Variants in DAB2IP observed in about 807,000 individuals in gnomAD.
DAB2IP encodes disabled homolog 2-interacting protein.
In DAB2IP, 28 loss-of-function variants were observed where a neutral mutation model predicts 107.2. The observed-to-expected ratio is 0.26, with a 90% CI of 0.19 to 0.36. DAB2IP has a LOEUF of 0.36. DAB2IP is among the 10% of genes least tolerant of loss of function. The pLI, the probability that DAB2IP is intolerant of heterozygous loss-of-function variation, is 1.00. For synonymous variants in DAB2IP, 755 were observed against 706.4 expected (o/e 1.07, Z -1.09); for missense variants, 1,400 against 1,644.7 (o/e 0.85, Z 2.57).
rs1453934647 is a variant in DAB2IP at position 121,737,657 on chromosome 9, C to T, written c.363-19356C>T. 42 of 985,280 alleles carry T rather than the reference C, an allele frequency of 4.3e-5. No individual in the cohort carries two copies. In the South Asian group the frequency reaches 5.2e-4, roughly 12 times the overall value. The allele number at this position is 985,280 out of a possible 1,614,324, so 61.0% of individuals were successfully genotyped here. A position where few individuals can be genotyped will look rare whatever the true frequency, so the allele number is the denominator to read the frequency against. ...GAAGCCAGATCTGGCTCCAGAGCCT[C>T]GGGGGTTGCAAGTGCCCAGAACCAG... On this transcript the variant is annotated intron_variant, in intron 3 of 15. Coordinates refer to ENST00000408936, the Ensembl canonical transcript of DAB2IP.
At chr9:121,759,991 T>C in exon 6 of DAB2IP, 1 of 1,614,220 alleles carries the variant, frequency 6.2e-7, no homozygotes, top group Non-Finnish European at 8.5e-7. Flanking sequence ...GACGATGTGC[T>C]CTATGCCCGC....
At chr9:121,688,295 G>A (rs1027342973) in intron 2 of DAB2IP, among the ~76,000 whole-genome samples, 16 of 152,256 alleles carry the variant, frequency 1.1e-4, no homozygotes, top group Non-Finnish European at 4.4e-5. Flanking sequence ...GGCCCTCTGT[G>A]GAGGTGGCAG....
intron 1 of DAB2IP, among the ~76,000 whole-genome samples, chr9:121,668,035 A>T (rs1175038484): frequency 1.3e-5 from 2 of 152,134 alleles, no homozygotes; most frequent in Non-Finnish European, 2.9e-5. Context: ...CATGAGACTT[A>T]TTCACTACCA....
chr9:121,630,732 C>G (rs983118979), intron 1 of DAB2IP, among the ~76,000 whole-genome samples: 3 of 151,670 alleles, frequency 2.0e-5, no homozygotes, highest in African/African-American at 7.3e-5. Context: ...CTCAGCCTCC[C>G]GAGTCGCTGG....
chr9:121,636,156 C>T (rs1832080306), intron 1 of DAB2IP, among the ~76,000 whole-genome samples: 1 of 152,096 alleles, frequency 6.6e-6, no homozygotes. Flanking sequence ...AAACCACCTG[C>T]CTCGGCCTCC....
intron 1 of DAB2IP, 113 bp downstream of exon 1, chr9:121,652,012 C>T: frequency 1.0e-6 from 1 of 953,060 alleles, no homozygotes; most frequent in Non-Finnish European, 1.4e-6. Context: ...CCGGGGGTTT[C>T]CTCATCCGCC....
chr9:121,737,805 A>G (rs1251796547), intron 3 of DAB2IP: 1 of 984,228 alleles, frequency 1.0e-6, no homozygotes, highest in Non-Finnish European at 1.2e-6. Flanking sequence ...ATGGGGTCAG[A>G]CAGGCTTTGG....
chr9:121,764,186 C>T lies in DAB2IP; in HGVS notation c.1460+307C>T, dbSNP rs181341522. On this transcript the variant is annotated intron_variant, in intron 8 of 15. Transcript: ENST00000408936. ...GTGAGACTGGCAGGCCCTGTGTGGG[C>T]CCCCACTTGGGGTGGGCGGATGGCT... Among the ~76,000 whole-genome samples, 3 of 152,314 alleles carry T rather than the reference C, an allele frequency of 2.0e-5. 1 individual carries two copies. The highest frequency in any genetic ancestry group is 2.0e-4 in the Admixed American group (3 of 15,306).
At chr9:121,567,352 C>G (rs1243516877) in intron 1 of DAB2IP, 2 of 1,444,380 alleles carry the variant, frequency 1.4e-6, no homozygotes, top group Non-Finnish European at 1.9e-6. Context: ...ACTGTCTGGT[C>G]TTGGGACCCA....
At chr9:121,583,654 A>C (rs1036242513) in intron 1 of DAB2IP, among the ~76,000 whole-genome samples, 4 of 110,474 alleles carry the variant, frequency 3.6e-5, no homozygotes, top group African/African-American at 6.8e-5. Flanking sequence ...GTTGGGGGGG[A>C]TGGGTGGGGG....
At chr9:121,704,311 T>TCCTCACAC (rs1829945800) in intron 3 of DAB2IP, among the ~76,000 whole-genome samples, 1 of 152,244 alleles carries the variant, frequency 6.6e-6, no homozygotes. Context: ...CTTACCTGTT[T>TCCTCACAC]CCTCACACCC....
chr9:121,677,130 C>T (rs1040578078), intron 1 of DAB2IP, among the ~76,000 whole-genome samples: 1 of 152,178 alleles, frequency 6.6e-6, no homozygotes, highest in East Asian at 1.9e-4. Context: ...GGCTGCTTTC[C>T]TAGATTCTGG....
At chr9:121,678,371 T>A (rs1331794961) in intron 1 of DAB2IP, among the ~76,000 whole-genome samples, 1 of 152,272 alleles carries the variant, frequency 6.6e-6, no homozygotes, top group Non-Finnish European at 1.5e-5. Context: ...GTACCATGTG[T>A]GTGTGTCCAT....
chr9:121,638,676 T>G (rs1363831375), intron 1 of DAB2IP, among the ~76,000 whole-genome samples: 1 of 151,890 alleles, frequency 6.6e-6, no homozygotes, highest in Non-Finnish European at 1.5e-5. Flanking sequence ...GTGTTTCAGA[T>G]TTCACTCTGG....
upstream of DAB2IP, among the ~76,000 whole-genome samples, chr9:121,648,250 C>T (rs771742654): frequency 6.6e-5 from 10 of 152,090 alleles, no homozygotes; most frequent in Non-Finnish European, 5.9e-5. Context: ...TCCCCAAAAA[C>T]CTATGGAAAT....
chr9:121,732,970 C>T (rs937463270), intron 3 of DAB2IP, among the ~76,000 whole-genome samples: 2 of 152,218 alleles, frequency 1.3e-5, no homozygotes, highest in African/African-American at 2.4e-5. Context: ...GATGTACTCA[C>T]ATAAATTAAC....
intron 1 of DAB2IP, among the ~76,000 whole-genome samples, chr9:121,674,479 G>A (rs1186236443): frequency 2.0e-5 from 3 of 152,178 alleles, no homozygotes; most frequent in African/African-American, 7.2e-5. Context: ...CCCTGTGCAG[G>A]AGGGAGAGTG....
intron 14 of DAB2IP, among the ~76,000 whole-genome samples, chr9:121,780,892 C>T (rs770010142): frequency 1.3e-5 from 2 of 152,216 alleles, no homozygotes; most frequent in Non-Finnish European, 2.9e-5. Context: ...CCTCCCAGCC[C>T]ACCCTCCAGG....
chr9:121,775,590 G>A (rs1036149791), intron 13 of DAB2IP, among the ~76,000 whole-genome samples: 5 of 152,294 alleles, frequency 3.3e-5, no homozygotes, highest in East Asian at 1.9e-4. Flanking sequence ...TCCCAGCCTC[G>A]TCCACATCCC....
Sources: allele counts gnomAD v4.1 joint callset (sites outside exome capture counted in the v4.1 genomes callset), GRCh38; gene constraint gnomAD v4.1.1; transcripts MANE v1.5; gene names NCBI Gene and HGNC (gene_info 2026-07-23, HGNC 2026-07-21).